Variants in PHC1 observed in about 807,000 individuals in gnomAD.
PHC1 encodes polyhomeotic-like protein 1.
Under a neutral mutation model 104.3 loss-of-function variants are expected in PHC1, and 12 were observed. The observed-to-expected ratio is 0.12, with a 90% CI of 0.07 to 0.19. The LOEUF (loss-of-function observed/expected upper bound fraction) is 0.19, where lower values mean the gene tolerates loss of function less well. Ranked by LOEUF, PHC1 falls within the 10% of genes least tolerant of loss-of-function variation. The pLI is 1.00. For missense variants in PHC1, 671 were observed against 1,200.0 expected, an observed-to-expected ratio of 0.56 and a Z score of 6.51; for synonymous variants, 302 against 455.8, an observed-to-expected ratio of 0.66 and a Z score of 4.30.
rs751968536 is a variant in PHC1, at chr12:8,925,068, A to G, written c.612+2280A>G. 2.0e-5 allele frequency among the ~76,000 whole-genome samples: 3 copies of G among 152,296 alleles called. No homozygotes were observed. In the South Asian group the frequency reaches 6.2e-4, roughly 32 times the overall value. ...TCATTCATCAGATATTTGAGTGTCA[A>G]TATGTGGAGGAACAGAGGGCAGTAG... On this transcript the variant is annotated intron_variant, in intron 6 of 14. Transcript: ENST00000544916.
chr12:8,920,907 T>A (rs1311150609), intron 3 of PHC1, 78 bp from the exon 4 acceptor site: 21 of 934,812 alleles, frequency 2.2e-5, no homozygotes, highest in Non-Finnish European at 3.2e-5. Context: ...GTTTTGTGCT[T>A]GTGATTTATT....
intron 6 of PHC1, among the ~76,000 whole-genome samples, chr12:8,924,114 T>C (rs1945448409): frequency 6.6e-6 from 1 of 152,160 alleles, no homozygotes; most frequent in Non-Finnish European, 1.5e-5. Flanking sequence ...CAAGGAACAA[T>C]TGTATTAGAA....
intron 6 of PHC1, among the ~76,000 whole-genome samples, chr12:8,925,730 A>G (rs1945495097): frequency 6.6e-6 from 1 of 152,016 alleles, no homozygotes. Flanking sequence ...TGTGTTTAGG[A>G]TTTTGGGCTT....
chr12:8,925,449 C>T (rs188026394), intron 6 of PHC1, among the ~76,000 whole-genome samples: 2 of 152,128 alleles, frequency 1.3e-5, no homozygotes, highest in East Asian at 1.9e-4. Context: ...GAGAAAGTAC[C>T]GAGTGTTCTG....
rs1256299014 is a variant in PHC1, at chr12:8,919,623, C to T, written c.115-133C>T. On this transcript the variant is annotated intron_variant, in intron 2 of 14. Coordinates refer to ENST00000544916, the MANE Select transcript of PHC1 (RefSeq NM_004426.3). The surrounding 1 kb of genome is among the most constrained non-coding windows in gnomAD (Gnocchi z 4.9). Reference sequence around the variant, plus strand: ...AAAATGAAGGAAAATCAGCCGTTGACGATTTAGCCCAAACTCCCATCTCCT... The same window carrying T: ...AAAATGAAGGAAAATCAGCCGTTGATGATTTAGCCCAAACTCCCATCTCCT... The T allele has an allele frequency of 2.6e-5, 22 of 853,762 alleles. No homozygotes were observed. The highest frequency in any genetic ancestry group is 2.4e-4 in the South Asian group (13 of 55,128). The allele number at this position is 853,762 out of a possible 1,614,324, so 52.9% of individuals were successfully genotyped here.
At chr12:8,933,449 A>T (rs1012067806) in intron 8 of PHC1, 99 bp downstream of exon 8, 3 of 1,354,830 alleles carry the variant, frequency 2.2e-6, no homozygotes, top group Non-Finnish European at 2.0e-6. Flanking sequence ...ATAAAGAGTT[A>T]AGAGGGTTAA....
chr12:8,930,383 C>A, intron 6 of PHC1, 52 bp from the exon 7 acceptor site: 1 of 1,570,618 alleles, frequency 6.4e-7, no homozygotes, highest in East Asian at 2.4e-5. Flanking sequence ...GAATCTTTAA[C>A]CTTAATGCCT....
At chr12:8,926,391 CG>C (rs1945511143) in intron 6 of PHC1, among the ~76,000 whole-genome samples, 2 of 149,734 alleles carry the variant, frequency 1.3e-5, no homozygotes, top group Non-Finnish European at 3.0e-5. Context: ...CCGAGGCGGG[CG>C]GATCACCTGA....
Position 8,937,841 on chromosome 12 carries a change from T to G in PHC1, c.2641T>G (p.Ser881Ala). The change falls in exon 14 of 15, where the codon TCT becomes GCT. Residue 881 changes from serine to alanine, a missense_variant. Coordinates refer to ENST00000544916, the MANE Select transcript of PHC1 (RefSeq NM_004426.3). ...TTTTCCCCTATAGGGTCAAGAAGAC[T>G]CTAGCCGGGGTTCAGATAATTCCAG... is the stretch of plus-strand genomic sequence containing the variant. Reference protein sequence around the residue: ...QGKCHRGQEDSSRGSDNSSYD... With the variant: ...QGKCHRGQEDASRGSDNSSYD... 1 of 1,612,532 alleles carries G rather than the reference T, an allele frequency of 6.2e-7. No homozygotes were observed. Among genetic ancestry groups the G allele is most frequent in the African/African-American group, 1.3e-5 (1 of 75,022 alleles).
chr12:8,931,314 T>C (rs1184807438), intron 7 of PHC1, among the ~76,000 whole-genome samples: 1 of 152,208 alleles, frequency 6.6e-6, no homozygotes, highest in East Asian at 1.9e-4. Flanking sequence ...TAACTTAGCA[T>C]TTACTATAAG....
rs754564256 is a variant in PHC1 at position 8,922,799 on chromosome 12, A to G, written c.612+11A>G. ...GCAGATGCAGATCAGGTTAGTGGCG[A>G]TGACTTTACCTGTGGGTGGGCACTG... On this transcript the variant is annotated intron_variant, in intron 6 of 14. Transcript: ENST00000544916. 12 of 1,611,288 alleles carry G rather than the reference A, an allele frequency of 7.4e-6. No individual in the cohort carries two copies. In the African/African-American group the frequency reaches 1.5e-4, roughly 20 times the overall value.
intron 13 of PHC1, among the ~76,000 whole-genome samples, chr12:8,937,527 A>G (rs1032786178): frequency 2.6e-5 from 4 of 152,104 alleles, no homozygotes; most frequent in Non-Finnish European, 4.4e-5. Context: ...GTTTCCATTA[A>G]TCCTTACACT....
rs1048953314 is a variant in PHC1, at chr12:8,937,109, A to G, written c.2478-67A>G. ...TCCCCAAATCAGCTCATAAGCAGAA[A>G]TTCACATTTAGAGCAGGGTGGTCTT... On this transcript the variant is annotated intron_variant, in intron 12 of 14. Transcript: ENST00000544916. 3 of 1,540,512 alleles carry G rather than the reference A, an allele frequency of 1.9e-6. No homozygotes were observed. The African/African-American group carries it at 4.1e-5, about 21-fold the overall frequency.
intron 6 of PHC1, among the ~76,000 whole-genome samples, chr12:8,923,539 T>C (rs1945424286): frequency 6.6e-6 from 1 of 152,182 alleles, no homozygotes; most frequent in African/African-American, 2.4e-5. Context: ...TTGAAAATAT[T>C]TGGGAAAGGC....
chr12:8,930,544 C>T lies in PHC1; in HGVS notation c.722C>T (p.Ser241Phe). 15 of 1,565,100 alleles carry T rather than the reference C, an allele frequency of 9.6e-6. No homozygotes were observed. Among genetic ancestry groups the T allele is most frequent in the Non-Finnish European group, 1.1e-5 (13 of 1,154,716 alleles). ...GGAGCCTCCCCTGTCTCTAGCCTCT[C>T]CCAGGCCTCTAGCCAGGCCCTAGCG... ...PPGASPVSSL[S>F]QASSQALAVA... The change falls in exon 7 of 15, where the codon TCC (serine) becomes TTC (phenylalanine). Residue 241 changes from serine (S) to phenylalanine (F), a missense_variant. Ser to Phe is a radical substitution (Grantham distance 155). This residue lies in a region of PHC1 where 237 missense variants were observed against 331.1 expected (regional missense o/e 0.72). Coordinates refer to ENST00000544916, the MANE Select transcript of PHC1 (RefSeq NM_004426.3).
Position 8,919,998 on chromosome 12 carries a change from C to T in PHC1, c.225+132C>T. 4 of 1,378,782 alleles carry T rather than the reference C, an allele frequency of 2.9e-6. No individual in the cohort carries two copies. The highest frequency in any genetic ancestry group is 1.3e-5 in the South Asian group (1 of 75,608). The allele number at this position is 1,378,782 out of a possible 1,614,324, so 85.4% of individuals were successfully genotyped here. On this transcript the variant is annotated intron_variant, in intron 3 of 14. Coordinates refer to ENST00000544916, the MANE Select transcript of PHC1 (RefSeq NM_004426.3). This position sits in a 1 kb window ranked among gnomAD's most constrained non-coding sequence, Gnocchi z 4.9. The stretch of plus-strand genomic sequence containing the variant: ...ACAGCCTCCTCCGCCTCCTGTCCTT[C>T]TGTGGGAGGATGGATGCATCTTAGC...
At chr12:8,936,995 G>C (rs1020066707) in intron 12 of PHC1, 31 bp downstream of exon 12, 1 of 1,484,302 alleles carries the variant, frequency 6.7e-7, no homozygotes, top group African/African-American at 1.4e-5. Context: ...CTTGCCCTCA[G>C]CACTGGTATC....
intron 11 of PHC1, among the ~76,000 whole-genome samples, chr12:8,935,467 A>G (rs1240500397): frequency 2.0e-5 from 3 of 152,192 alleles, no homozygotes; most frequent in East Asian, 3.9e-4. Flanking sequence ...CTCTACTACA[A>G]ATACAAAAAT....
chr12:8,936,986 T>C (rs1444717300), intron 12 of PHC1, 22 bp downstream of exon 12: 1 of 1,537,442 alleles, frequency 6.5e-7, no homozygotes, highest in Non-Finnish European at 9.0e-7. Context: ...ACCCTCCTCC[T>C]TGCCCTCAGC....
Sources: allele counts gnomAD v4.1 joint callset (sites outside exome capture counted in the v4.1 genomes callset), GRCh38; gene constraint gnomAD v4.1.1; regional missense constraint gnomAD v4.1.1; non-coding constraint Gnocchi (gnomAD v3.1); transcripts MANE v1.5; gene names NCBI Gene and HGNC (gene_info 2026-07-23, HGNC 2026-07-21).